The following MLLT10 variants were observed in gnomAD, a reference collection of about 807,000 sequenced individuals.
MLLT10 encodes protein AF-10.
In MLLT10, 30 loss-of-function variants were observed where a neutral mutation model predicts 129.1. The observed-to-expected ratio is 0.23, with a 90% CI of 0.17 to 0.32. The LOEUF (loss-of-function observed/expected upper bound fraction) is 0.32. Among genes scored for constraint, MLLT10 ranks in the 10% least tolerant of loss-of-function variants. The pLI is 1.00. For missense variants in MLLT10, 1,119 were observed against 1,268.3 expected (o/e 0.88, Z 1.79); for synonymous variants, 490 against 446.4 (o/e 1.10, Z -1.23).
At chr10:21,668,865 A>G (rs1317321726) in intron 9 of MLLT10, 2 of 1,121,896 alleles carry the variant, frequency 1.8e-6, no homozygotes, top group South Asian at 2.4e-5. Context: ...GCAAAAATAC[A>G]TGAGTGAAGA....
rs566450417 is a variant in MLLT10 at position 21,731,643 on chromosome 10, G to A, written c.2218+589G>A. On this transcript the variant is annotated intron_variant, in intron 17 of 22. Transcript: ENST00000307729. ...ATTTGGAGGAAGAATAATAATTATT[G>A]AATTAAATCTATAATTAGTATATAT... Among the ~76,000 whole-genome samples the A allele has an allele frequency of 2.6e-5, 4 of 152,100 alleles. No individual in the cohort carries two copies. In the South Asian group the frequency reaches 8.3e-4, roughly 32 times the overall value.
intron 22 of MLLT10, among the ~76,000 whole-genome samples, chr10:21,740,560 A>G (rs2058743742): frequency 1.3e-5 from 2 of 152,228 alleles, no homozygotes; most frequent in East Asian, 1.9e-4. Flanking sequence ...GAACCAGTCT[A>G]TATATCTTGG....
At chr10:21,716,008 A>G (rs2056525357) in intron 14 of MLLT10, among the ~76,000 whole-genome samples, 1 of 152,256 alleles carries the variant, frequency 6.6e-6, no homozygotes, top group Admixed American at 6.5e-5. Flanking sequence ...TGTAGCAACC[A>G]TCAGTCTCCA....
chr10:21,546,734 ATTT>A (rs764538108), intron 3 of MLLT10, among the ~76,000 whole-genome samples: 1 of 141,218 alleles, frequency 7.1e-6, no homozygotes, highest in African/African-American at 2.6e-5. Flanking sequence ...TGCCTGGCTA[ATTT>A]TTTTTTTTTT....
At chr10:21,596,820 A>G (rs1437966234) in intron 5 of MLLT10, among the ~76,000 whole-genome samples, 1 of 151,674 alleles carries the variant, frequency 6.6e-6, no homozygotes, top group Non-Finnish European at 1.5e-5. Context: ...TGTCTTGTAT[A>G]TTTGCTGTGT....
At chr10:21,660,244 AGGCGT>A (rs2050033560) in intron 9 of MLLT10, among the ~76,000 whole-genome samples, 1 of 151,716 alleles carries the variant, frequency 6.6e-6, no homozygotes, top group South Asian at 2.1e-4. Flanking sequence ...CTGGGATTAC[AGGCGT>A]GAGCCACCAT....
intron 9 of MLLT10, among the ~76,000 whole-genome samples, chr10:21,660,972 A>G (rs2050139904): frequency 6.6e-6 from 1 of 151,736 alleles, no homozygotes; most frequent in South Asian, 2.1e-4. Flanking sequence ...CTTTCCCAGC[A>G]TCTGACAAAT....
intron 3 of MLLT10, among the ~76,000 whole-genome samples, chr10:21,548,562 G>T (rs531409580): frequency 1.1e-4 from 16 of 151,836 alleles, no homozygotes; most frequent in South Asian, 6.2e-4. Flanking sequence ...GCAGAGACGG[G>T]GTTTTTCCAT....
chr10:21,533,880 TC>T (rs1467174770), upstream of MLLT10, among the ~76,000 whole-genome samples: 1 of 152,100 alleles, frequency 6.6e-6, no homozygotes, highest in Non-Finnish European at 1.5e-5. Context: ...CCCCGGGGAC[TC>T]CCCTCTGGCG....
At chr10:21,676,142 TG>T (rs1186101150) in intron 11 of MLLT10, among the ~76,000 whole-genome samples, 1 of 152,168 alleles carries the variant, frequency 6.6e-6, no homozygotes, top group Non-Finnish European at 1.5e-5. Flanking sequence ...AAAATTACTC[TG>T]GGGCGGCCGC....
intron 8 of MLLT10, chr10:21,626,244 C>A (rs555639686): frequency 1.0e-4 from 159 of 1,571,646 alleles, no homozygotes; most frequent in Non-Finnish European, 9.3e-5. Context: ...TCCCTGAGAG[C>A]ATCAATTGCT....
chr10:21,730,582 T>G (rs1228865025), intron 16 of MLLT10, among the ~76,000 whole-genome samples: 1 of 152,218 alleles, frequency 6.6e-6, no homozygotes, highest in Non-Finnish European at 1.5e-5. Flanking sequence ...TTTCCCTCTT[T>G]TGTCTTATAA....
At chr10:21,604,902 G>GT (rs1027466991) in intron 5 of MLLT10, among the ~76,000 whole-genome samples, 9 of 141,844 alleles carry the variant, frequency 6.3e-5, no homozygotes, top group South Asian at 4.5e-4. Flanking sequence ...CCTATTTTTT[G>GT]TTTTTTTTAT....
At chr10:21,734,459 ATTAGTTTCCT>A (rs2058200847) in intron 20 of MLLT10, among the ~76,000 whole-genome samples, 1 of 152,214 alleles carries the variant, frequency 6.6e-6, no homozygotes, top group African/African-American at 2.4e-5. Flanking sequence ...TAACATGAAT[ATTAGTTTCCT>A]AAAATTTATG....
intron 8 of MLLT10, chr10:21,625,939 A>G (rs2046386510): frequency 1.2e-6 from 1 of 801,992 alleles, no homozygotes; most frequent in Non-Finnish European, 2.3e-6. Flanking sequence ...TTTTACCTAC[A>G]AACACCTCTG....
chr10:21,713,065 A>C (rs1002231508), intron 13 of MLLT10, among the ~76,000 whole-genome samples: 2 of 152,082 alleles, frequency 1.3e-5, no homozygotes, highest in Admixed American at 6.5e-5. Flanking sequence ...CAAGTCTCCC[A>C]TGATTTTCAC....
intron 9 of MLLT10, among the ~76,000 whole-genome samples, chr10:21,665,228 G>A (rs1174039930): frequency 6.7e-6 from 1 of 148,426 alleles, no homozygotes; most frequent in Admixed American, 6.7e-5. Context: ...TTACAGGCGC[G>A]AGCCACTGCG....
intron 6 of MLLT10, among the ~76,000 whole-genome samples, chr10:21,613,676 G>A (rs540201762): frequency 1.3e-5 from 2 of 151,112 alleles, no homozygotes; most frequent in Non-Finnish European, 2.9e-5. Flanking sequence ...ACAGAGGTGG[G>A]CAGATTGCCT....
At chr10:21,614,279 TC>T (rs1440893881) in intron 6 of MLLT10, among the ~76,000 whole-genome samples, 1 of 151,208 alleles carries the variant, frequency 6.6e-6, no homozygotes, top group Non-Finnish European at 1.5e-5. Flanking sequence ...TTTCATTTCT[TC>T]CATTGCTTTT....
Sources: gnomAD v4.1 joint callset for allele counts (sites outside exome capture counted in the v4.1 genomes callset) on GRCh38, gnomAD v4.1.1 for gene constraint, MANE v1.5 for transcripts, NCBI Gene and HGNC (gene_info 2026-07-23, HGNC 2026-07-21) for gene names.